The following STRN3 variants were observed in gnomAD, a reference collection of about 807,000 sequenced individuals.
STRN3 encodes the protein striatin 3.
A neutral mutation model predicts 95.6 loss-of-function variants in STRN3; 29 were observed. The observed-to-expected ratio is 0.30, with a 90% CI of 0.23 to 0.41. The LOEUF (loss-of-function observed/expected upper bound fraction) is 0.41, where lower values mean the gene tolerates loss of function less well. STRN3 is among the 10% of genes least tolerant of loss of function. The pLI is 1.00. For synonymous variants in STRN3, 331 were observed against 357.6 expected (o/e 0.93, Z 0.84); for missense variants, 890 against 972.1 (o/e 0.92, Z 1.12).
intron 1 of STRN3, among the ~76,000 whole-genome samples, chr14:30,959,507 GATAATA>G (rs887719994): frequency 1.3e-5 from 2 of 152,002 alleles, no homozygotes; most frequent in African/African-American, 2.4e-5. Flanking sequence ...ACCTGATAGT[GATAATA>G]ACATAATAAT....
In STRN3 at chr14:30,955,613, A is replaced by G; in HGVS notation, c.460+7T>C. On this transcript the variant is annotated splice_region_variant and intron_variant, in intron 3 of 17. Transcript: ENST00000357479. ...AAAAAAAAAAGTAACAGAAGAAGCA[A>G]GTTTACCTGACTCAAAGGTTGGCAT... 6.4e-7 allele frequency: 1 copy of G among 1,566,436 alleles called. No homozygotes were observed. The highest frequency in any genetic ancestry group is 1.4e-5 in the African/African-American group (1 of 71,198).
In STRN3 at chr14:31,026,217, G is replaced by C; in HGVS notation, c.-32C>G. 2 of 1,385,570 alleles carry C rather than the reference G, an allele frequency of 1.4e-6. No individual in the cohort carries two copies. The highest frequency in any genetic ancestry group is 1.9e-6 in the Non-Finnish European group (2 of 1,078,836). The allele number at this position is 1,385,570 out of a possible 1,614,324, so 85.8% of individuals were successfully genotyped here. A position where few individuals can be genotyped will look rare whatever the true frequency, so the allele number is the denominator to read the frequency against. ...TGGGGCCCCGGCCGGGGCGCAGGGC[G>C]AGACGCCGACAGCTGGGGGAAGGGC... On this transcript the variant is annotated 5_prime_UTR_variant, in exon 1 of 18. Transcript: ENST00000357479.
intron 1 of STRN3, among the ~76,000 whole-genome samples, chr14:30,983,469 A>T (rs917978706): frequency 6.6e-6 from 1 of 152,324 alleles, no homozygotes; most frequent in Admixed American, 6.5e-5. Flanking sequence ...CGCTTGAACC[A>T]GGGAGGTGGA....
Position 30,902,660 on chromosome 14 carries a change from G to A in STRN3, c.2030-17C>T, listed in dbSNP as rs775324386. 4 of 1,490,836 alleles carry A rather than the reference G, an allele frequency of 2.7e-6. No individual in the cohort carries two copies. The highest frequency in any genetic ancestry group is 1.9e-5 in the Admixed American group (1 of 51,706). The allele number at this position is 1,490,836 out of a possible 1,614,324, so 92.4% of individuals were successfully genotyped here. On this transcript the variant is annotated splice_polypyrimidine_tract_variant and intron_variant, in intron 15 of 17. Coordinates refer to ENST00000357479, the MANE Select transcript of STRN3 (RefSeq NM_001083893.2). ...ATTGTAAACCTGAAAAATAAAGGAAGACAATAAGTTAAAATTCAAACCTTT... is the reference window on the plus strand; with the variant it reads ...ATTGTAAACCTGAAAAATAAAGGAAAACAATAAGTTAAAATTCAAACCTTT...
intron 15 of STRN3, among the ~76,000 whole-genome samples, chr14:30,904,919 C>T (rs1003438956): frequency 1.3e-5 from 2 of 149,262 alleles, no homozygotes; most frequent in African/African-American, 5.0e-5. Context: ...AAAATCCAGA[C>T]TGTCGGAAAC....
At chr14:30,974,225 C>A (rs1422224240) in intron 1 of STRN3, among the ~76,000 whole-genome samples, 1 of 152,054 alleles carries the variant, frequency 6.6e-6, no homozygotes, top group Non-Finnish European at 1.5e-5. Flanking sequence ...ATGAATCCAG[C>A]AAAGTAACAG....
chr14:30,946,990 A>AG (rs1879393431), intron 5 of STRN3, 100 bp downstream of exon 5: 2 of 942,100 alleles, frequency 2.1e-6, no homozygotes, highest in East Asian at 6.5e-5. Context: ...AAAAAAAAAA[A>AG]AAAAAAAGTT....
intron 16 of STRN3, among the ~76,000 whole-genome samples, chr14:30,901,660 T>TA (rs1403384009): frequency 6.6e-6 from 1 of 152,178 alleles, no homozygotes; most frequent in Admixed American, 6.5e-5. Flanking sequence ...GCAAGCTATC[T>TA]ATTATCTATT....
intron 1 of STRN3, among the ~76,000 whole-genome samples, chr14:31,003,385 G>C (rs1882563578): frequency 6.6e-6 from 1 of 150,472 alleles, no homozygotes; most frequent in Admixed American, 6.6e-5. Context: ...CTGGATCATA[G>C]ACCTTGCTAT....
At chr14:30,912,953 T>C (rs149097336) in intron 10 of STRN3, among the ~76,000 whole-genome samples, 3 of 152,250 alleles carry the variant, frequency 2.0e-5, no homozygotes, top group African/African-American at 7.2e-5. Flanking sequence ...ACAAGTATAG[T>C]TAACTCTCAA....
intron 1 of STRN3, among the ~76,000 whole-genome samples, chr14:31,023,837 A>AC (rs1351751282): frequency 6.6e-6 from 1 of 151,458 alleles, no homozygotes; most frequent in African/African-American, 2.4e-5. Context: ...TAACTCAAAA[A>AC]AAAAAAAACC....
At chr14:30,952,148 G>A (rs1394287448) in intron 3 of STRN3, among the ~76,000 whole-genome samples, 1 of 151,308 alleles carries the variant, frequency 6.6e-6, no homozygotes, top group Non-Finnish European at 1.5e-5. Flanking sequence ...TTAATAAACA[G>A]TATGATTTCA....
Position 30,967,266 on chromosome 14 carries a change from G to GGGGGAAGAGAGGCAGAGAGGC in STRN3, c.283-11025_283-11024insGCCTCTCTGCCTCTCTTCCCC, listed in dbSNP as rs1275533065. On this transcript the variant is annotated intron_variant, in intron 1 of 17. Transcript: ENST00000357479. ...TGGGGGGGAAGAGAGGCAGAGAGAG[G>GGGGGAAGAGAGGCAGAGAGGC]GGGGAAGAGAGGCAGAGAGGGGGGA... Among the ~76,000 whole-genome samples, 220 of 145,270 alleles carry GGGGGAAGAGAGGCAGAGAGGC rather than the reference G, an allele frequency of 1.5e-3. 1 individual carries two copies. The highest frequency in any genetic ancestry group is 5.1e-3 in the African/African-American group (202 of 39,256).
Position 30,894,687 on chromosome 14 carries a change from G to T in STRN3, c.*724C>A. 1 of 173,994 alleles carries T rather than the reference G, an allele frequency of 5.7e-6. No individual in the cohort carries two copies. The highest frequency in any genetic ancestry group is 1.2e-5 in the Non-Finnish European group (1 of 82,140). The allele number at this position is 173,994 out of a possible 1,614,324, so 10.8% of individuals were successfully genotyped here. A position where few individuals can be genotyped will look rare whatever the true frequency, so the allele number is the denominator to read the frequency against. ...GGAAGGACTTAGCTGAGCTGTATTAGGCAAAAGAAGGAAAGAAAGTGGTTA... is the reference window on the plus strand; with the variant it reads ...GGAAGGACTTAGCTGAGCTGTATTATGCAAAAGAAGGAAAGAAAGTGGTTA... On this transcript the variant is annotated 3_prime_UTR_variant, in exon 18 of 18. Transcript: ENST00000357479.
At chr14:31,018,814 A>C (rs1268870009) in intron 1 of STRN3, 5 of 423,224 alleles carry the variant, frequency 1.2e-5, no homozygotes, top group African/African-American at 8.3e-5. Flanking sequence ...AGTAACTTCA[A>C]GCACTAATAG....
chr14:30,940,910 C>G (rs756945796), intron 5 of STRN3, among the ~76,000 whole-genome samples: 78 of 152,058 alleles, frequency 5.1e-4, no homozygotes, highest in Non-Finnish European at 2.6e-4. Flanking sequence ...CAGCAAAATT[C>G]CTATTTTGAA....
At position 30,909,107 on chromosome 14, in the gene STRN3, G is replaced by A. The variant is rs188960905; in HGVS notation, c.1720+1934C>T. On this transcript the variant is annotated intron_variant, in intron 13 of 17. Coordinates refer to ENST00000357479, the MANE Select transcript of STRN3 (RefSeq NM_001083893.2). ...GAAATGTTCTGAAATTAGTGATGAT[G>A]GCTGTAAAACTTTGTGAATGTTCTG... Among the ~76,000 whole-genome samples the A allele has an allele frequency of 2.0e-5, 3 of 152,302 alleles. No individual in the cohort carries two copies. In the East Asian group the frequency reaches 5.8e-4, roughly 29 times the overall value.
intron 13 of STRN3, among the ~76,000 whole-genome samples, chr14:30,909,137 T>C (rs1238421868): frequency 2.6e-5 from 4 of 152,202 alleles, no homozygotes; most frequent in Non-Finnish European, 5.9e-5. Flanking sequence ...GTTCTGAAAT[T>C]AGTGATGATG....
chr14:30,897,105 T>C (rs1430217123), intron 16 of STRN3, among the ~76,000 whole-genome samples: 1 of 152,212 alleles, frequency 6.6e-6, no homozygotes, highest in Non-Finnish European at 1.5e-5. Context: ...TAATGAAAGA[T>C]AGAGGCTTTT....
Sources: allele counts gnomAD v4.1 joint callset (sites outside exome capture counted in the v4.1 genomes callset), GRCh38; gene constraint gnomAD v4.1.1; transcripts MANE v1.5; gene names NCBI Gene and HGNC (gene_info 2026-07-23, HGNC 2026-07-21).